CACNB2: variants seen among roughly 807,000 people sequenced by gnomAD.
The protein encoded by CACNB2 is voltage-dependent L-type calcium channel subunit beta-2.
CACNB2 carries 42 observed loss-of-function variants against 73.3 expected under a neutral mutation model. That is an observed-to-expected ratio of 0.57 (90% CI 0.45 to 0.74). The LOEUF (loss-of-function observed/expected upper bound fraction) is 0.74, where lower values mean the gene tolerates loss of function less well. Ranked by LOEUF, CACNB2 falls within the 30% of genes least tolerant of loss-of-function variation. CACNB2 has a pLI of 0.00. For missense variants in CACNB2, 940 were observed against 853.0 expected (o/e 1.10, Z -1.27); for synonymous variants, 348 against 310.3 (o/e 1.12, Z -1.28).
At chr10:18,478,400 C>T (rs1209895430) in intron 3 of CACNB2, among the ~76,000 whole-genome samples, 1 of 152,146 alleles carries the variant, frequency 6.6e-6, no homozygotes, top group Non-Finnish European at 1.5e-5. Context: ...CGACATTCTT[C>T]AGAACTTATT....
chr10:18,303,936 A>G (rs1353975070), intron 2 of CACNB2, among the ~76,000 whole-genome samples: 2 of 151,912 alleles, frequency 1.3e-5, no homozygotes, highest in Non-Finnish European at 2.9e-5. Context: ...ATCTAGAAAA[A>G]CCGCCAGTGT....
intron 1 of CACNB2, 30 bp from the exon 2 acceptor site, chr10:18,150,853 G>GTATT: frequency 1.5e-6 from 1 of 655,040 alleles, no homozygotes; most frequent in Non-Finnish European, 2.1e-6. Context: ...AATCTTATTT[G>GTATT]TCTTTTTTTT....
chr10:18,164,780 C>T (rs887873715), intron 2 of CACNB2, among the ~76,000 whole-genome samples: 1 of 152,082 alleles, frequency 6.6e-6, no homozygotes, highest in African/African-American at 2.4e-5. Flanking sequence ...GAGGTGTCTA[C>T]ATTTTATTAT....
At chr10:18,376,447 A>G (rs1365035531) in intron 2 of CACNB2, among the ~76,000 whole-genome samples, 1 of 152,230 alleles carries the variant, frequency 6.6e-6, no homozygotes, top group African/African-American at 2.4e-5. Flanking sequence ...TGGTAGCACA[A>G]CAGGATGACT....
intron 3 of CACNB2, among the ~76,000 whole-genome samples, chr10:18,461,667 G>C (rs1023714560): frequency 2.0e-5 from 3 of 151,630 alleles, no homozygotes; most frequent in African/African-American, 7.3e-5. Context: ...TTCACAACAG[G>C]GTTCACGCTG....
intron 3 of CACNB2, among the ~76,000 whole-genome samples, chr10:18,426,421 A>T (rs2045602331): frequency 6.6e-6 from 1 of 152,144 alleles, no homozygotes; most frequent in Non-Finnish European, 1.5e-5. Flanking sequence ...AATTCAGTTG[A>T]TTTTGTCTGA....
At chr10:18,172,350 C>T (rs2033301551) in intron 2 of CACNB2, among the ~76,000 whole-genome samples, 1 of 152,156 alleles carries the variant, frequency 6.6e-6, no homozygotes, top group South Asian at 2.1e-4. Flanking sequence ...GGCGACACAG[C>T]AAGACTCCTT....
chr10:18,304,818 A>ATC (rs1211162723), intron 2 of CACNB2, among the ~76,000 whole-genome samples: 1 of 152,114 alleles, frequency 6.6e-6, no homozygotes, highest in Non-Finnish European at 1.5e-5. Flanking sequence ...GCATGAAGAA[A>ATC]TCTCTCTCTC....
At chr10:18,530,539 G>C (rs891386381) in intron 10 of CACNB2, among the ~76,000 whole-genome samples, 2 of 150,648 alleles carry the variant, frequency 1.3e-5, no homozygotes, top group Non-Finnish European at 3.0e-5. Context: ...ATGCAGTTGG[G>C]CAAACCAACT....
chr10:18,207,783 A>T (rs925118781), intron 2 of CACNB2, among the ~76,000 whole-genome samples: 1 of 152,238 alleles, frequency 6.6e-6, no homozygotes, highest in African/African-American at 2.4e-5. Context: ...TTGTTACTTA[A>T]GAACCATTAT....
intron 2 of CACNB2, among the ~76,000 whole-genome samples, chr10:18,151,492 A>T (rs1216808055): frequency 6.6e-6 from 1 of 152,164 alleles, no homozygotes; most frequent in African/African-American, 2.4e-5. Context: ...CTTTGGAGAC[A>T]TAGCCTTCGT....
intron 2 of CACNB2, among the ~76,000 whole-genome samples, chr10:18,316,752 A>G (rs949489162): frequency 2.0e-5 from 3 of 152,180 alleles, no homozygotes; most frequent in Admixed American, 6.5e-5. Flanking sequence ...ATGAGCCACC[A>G]GACCTGGTCC....
At chr10:18,350,832 G>T (rs1384074727) in intron 2 of CACNB2, among the ~76,000 whole-genome samples, 3 of 152,178 alleles carry the variant, frequency 2.0e-5, no homozygotes, top group Non-Finnish European at 4.4e-5. Context: ...TTTTGAGACA[G>T]GGTCTCGTTC....
chr10:18,535,436 A>G (rs1294162605), intron 11 of CACNB2, among the ~76,000 whole-genome samples: 5 of 152,152 alleles, frequency 3.3e-5, no homozygotes, highest in Admixed American at 3.3e-4. Flanking sequence ...GAAGCCAGCC[A>G]GCCAGCCATT....
chr10:18,255,855 C>A (rs1029768388), intron 2 of CACNB2, among the ~76,000 whole-genome samples: 1 of 152,182 alleles, frequency 6.6e-6, no homozygotes, highest in Non-Finnish European at 1.5e-5. Context: ...TGACAAAAAA[C>A]CTTCAGTTCT....
At chr10:18,201,620 G>GT (rs1365836506) in intron 2 of CACNB2, among the ~76,000 whole-genome samples, 1 of 152,090 alleles carries the variant, frequency 6.6e-6, no homozygotes, top group Non-Finnish European at 1.5e-5. Context: ...TATTTATAAG[G>GT]TACATAGTGA....
At chr10:18,400,098 A>G (rs192886553) in intron 2 of CACNB2, among the ~76,000 whole-genome samples, 1 of 152,330 alleles carries the variant, frequency 6.6e-6, no homozygotes, top group Non-Finnish European at 1.5e-5. Context: ...GAGCTCCTTT[A>G]AACTCAACGC....
rs1212594182 is a variant in CACNB2, at chr10:18,272,924, C to T, written c.213+121949C>T. 3.9e-5 allele frequency among the ~76,000 whole-genome samples: 6 copies of T among 151,972 alleles called. No individual in the cohort carries two copies. The East Asian group carries it at 1.2e-3, about 29-fold the overall frequency. ...GTTAGGATTCCCAGGGATGTTGGTCCCCAAAAAAATGCAGATCTCTGGGAA... is the reference window on the plus strand; with the variant it reads ...GTTAGGATTCCCAGGGATGTTGGTCTCCAAAAAAATGCAGATCTCTGGGAA... On this transcript the variant is annotated intron_variant, in intron 2 of 13. Coordinates refer to ENST00000324631, the MANE Select transcript of CACNB2 (RefSeq NM_201596.3).
At chr10:18,412,186 C>T (rs1295271888) in intron 3 of CACNB2, among the ~76,000 whole-genome samples, 1 of 152,164 alleles carries the variant, frequency 6.6e-6, no homozygotes, top group Non-Finnish European at 1.5e-5. Context: ...ATAATCATAT[C>T]TCTACTTATG....
Sources: gnomAD v4.1 joint callset for allele counts (sites outside exome capture counted in the v4.1 genomes callset) on GRCh38, gnomAD v4.1.1 for gene constraint, MANE v1.5 for transcripts, NCBI Gene and HGNC (gene_info 2026-07-23, HGNC 2026-07-21) for gene names.